The following NTM variants were observed in gnomAD, a reference collection of about 807,000 sequenced individuals.
NTM encodes neurotrimin.
NTM carries 13 observed loss-of-function variants against 42.1 expected under a neutral mutation model. That is an observed-to-expected ratio of 0.31 (90% CI 0.20 to 0.49). The LOEUF (loss-of-function observed/expected upper bound fraction) is 0.49, where lower values mean the gene tolerates loss of function less well. NTM is among the 20% of genes least tolerant of loss of function. The pLI is 0.99. For synonymous variants in NTM, 187 were observed against 179.2 expected (o/e 1.04, Z -0.35); for missense variants, 373 against 452.8 (o/e 0.82, Z 1.60).
chr11:131,705,241 G>T (rs1297000636), intron 1 of NTM, among the ~76,000 whole-genome samples: 1 of 152,178 alleles, frequency 6.6e-6, no homozygotes, highest in African/African-American at 2.4e-5. Flanking sequence ...AAAGTGACTT[G>T]TATTCAAGGG....
intron 2 of NTM, among the ~76,000 whole-genome samples, chr11:132,093,161 T>G (rs1004338715): frequency 1.3e-5 from 2 of 152,244 alleles, no homozygotes; most frequent in African/African-American, 4.8e-5. Context: ...ACATGTTTCA[T>G]TTCTACCCTC....
At chr11:131,403,780 A>T (rs1409027578) in intron 1 of NTM, among the ~76,000 whole-genome samples, 1 of 152,246 alleles carries the variant, frequency 6.6e-6, no homozygotes, top group Non-Finnish European at 1.5e-5. Context: ...AGAAGCAATC[A>T]GGAACTAACT....
chr11:132,217,177 A>G (rs201356154), intron 4 of NTM, among the ~76,000 whole-genome samples: 1 of 151,996 alleles, frequency 6.6e-6, no homozygotes, highest in Non-Finnish European at 1.5e-5. Context: ...ACTCCCAACC[A>G]CTATTTCCTA....
rs2062979630 is a variant in NTM, at chr11:131,967,453, C to A, written c.167+55805C>A. 2.0e-5 allele frequency among the ~76,000 whole-genome samples: 3 copies of A among 152,170 alleles called. No homozygotes were observed. In the East Asian group the frequency reaches 5.8e-4, roughly 29 times the overall value. On this transcript the variant is annotated intron_variant, in intron 2 of 8. Coordinates refer to ENST00000683400, the MANE Select transcript of NTM (RefSeq NM_001352005.2). ...TTGCCTGTTTTGTGCAGAGACCACGCTGAGGTCATGTGTAGGTTGGCCCTG... is the reference window on the plus strand; with the variant it reads ...TTGCCTGTTTTGTGCAGAGACCACGATGAGGTCATGTGTAGGTTGGCCCTG...
At chr11:132,267,418 C>T (rs2093250313) in intron 4 of NTM, among the ~76,000 whole-genome samples, 1 of 151,844 alleles carries the variant, frequency 6.6e-6, no homozygotes, top group Non-Finnish European at 1.5e-5. Context: ...TCACACTTTC[C>T]TTACCCATAG....
intron 1 of NTM, among the ~76,000 whole-genome samples, chr11:131,393,865 C>T (rs80092127): frequency 0.019 from 2,942 of 152,312 alleles, 89 homozygotes; most frequent in African/African-American, 0.067. Flanking sequence ...TTTGTTGTGT[C>T]ATTTCCTACC....
At chr11:131,408,157 C>G (rs1328079815) in intron 1 of NTM, among the ~76,000 whole-genome samples, 2 of 152,296 alleles carry the variant, frequency 1.3e-5, no homozygotes, top group Non-Finnish European at 1.5e-5. Context: ...CTCAGTTGTT[C>G]TGTCGATTGA....
At position 131,896,743 on chromosome 11, in the gene NTM, C is replaced by T. The variant is rs58670186; in HGVS notation, c.83-14821C>T. Among the ~76,000 whole-genome samples, 45 of 132,020 alleles carry T rather than the reference C, an allele frequency of 3.4e-4. 1 individual carries two copies. The East Asian group carries it at 9.5e-3, about 28-fold the overall frequency. The allele number at this position is 132,020 out of a possible 152,430, so 86.6% of individuals were successfully genotyped here. A position where few individuals can be genotyped will look rare whatever the true frequency, so the allele number is the denominator to read the frequency against. On this transcript the variant is annotated intron_variant, in intron 1 of 8. Coordinates refer to ENST00000683400, the MANE Select transcript of NTM (RefSeq NM_001352005.2). ...TGGCTCTGTCGCCCAGGCTGGAGTG[C>T]GGTGGTGTGATCTCAGCTCACTGCA...
intron 1 of NTM, among the ~76,000 whole-genome samples, chr11:131,862,255 G>A (rs1362708674): frequency 6.6e-6 from 1 of 152,140 alleles, no homozygotes; most frequent in Non-Finnish European, 1.5e-5. Flanking sequence ...GGGGCCAAGA[G>A]TACAGAGAAC....
intron 7 of NTM, among the ~76,000 whole-genome samples, chr11:132,315,541 A>G (rs199865522): frequency 4.6e-5 from 7 of 152,276 alleles, no homozygotes; most frequent in South Asian, 2.1e-4. Context: ...TGTCTCCCCA[A>G]TCCCTCATGT....
chr11:131,967,517 A>C (rs2062989138), intron 2 of NTM, among the ~76,000 whole-genome samples: 1 of 152,266 alleles, frequency 6.6e-6, no homozygotes, highest in East Asian at 1.9e-4. Context: ...GAGCCACATG[A>C]AGGTGGGATG....
intron 2 of NTM, among the ~76,000 whole-genome samples, chr11:132,010,833 T>C (rs2072009401): frequency 6.6e-6 from 1 of 152,036 alleles, no homozygotes; most frequent in South Asian, 2.1e-4. Flanking sequence ...CTCTTAAGAA[T>C]TCCCTGATGG....
At chr11:131,758,615 C>A (rs2083665575) in intron 1 of NTM, among the ~76,000 whole-genome samples, 2 of 150,946 alleles carry the variant, frequency 1.3e-5, no homozygotes, top group Non-Finnish European at 2.9e-5. Flanking sequence ...TCTTTTGAGA[C>A]AAACTTTCAC....
chr11:132,142,728 G>A (rs1288884599), intron 2 of NTM, among the ~76,000 whole-genome samples: 2 of 152,146 alleles, frequency 1.3e-5, no homozygotes, highest in Non-Finnish European at 2.9e-5. Context: ...AACCGCAGCT[G>A]GAACTGTGCC....
chr11:131,786,909 T>C (rs2089330273), intron 1 of NTM, among the ~76,000 whole-genome samples: 1 of 152,220 alleles, frequency 6.6e-6, no homozygotes, highest in Admixed American at 6.5e-5. Context: ...TAACTTTAAT[T>C]ATCATGTGTT....
intron 4 of NTM, among the ~76,000 whole-genome samples, chr11:132,287,122 C>G (rs2094273951): frequency 6.6e-6 from 1 of 152,206 alleles, no homozygotes; most frequent in Non-Finnish European, 1.5e-5. Context: ...TGATGCTCAT[C>G]CATCATCCTC....
chr11:131,782,434 A>G (rs1591801005), intron 1 of NTM, among the ~76,000 whole-genome samples: 2 of 152,200 alleles, frequency 1.3e-5, no homozygotes, highest in Admixed American at 1.3e-4. Flanking sequence ...TTAAGGAGGA[A>G]ATAATAACAA....
intron 1 of NTM, among the ~76,000 whole-genome samples, chr11:131,701,216 G>A (rs1025585164): frequency 3.9e-5 from 6 of 152,138 alleles, no homozygotes; most frequent in Admixed American, 2.0e-4. Context: ...CCACCTATAT[G>A]CATGACTTGG....
intron 1 of NTM, among the ~76,000 whole-genome samples, chr11:131,850,065 A>G (rs2136802885): frequency 6.6e-6 from 1 of 152,052 alleles, no homozygotes; most frequent in Middle Eastern, 3.4e-3. Context: ...GACCATCAAC[A>G]GTAACCTAAT....
Sources: allele counts gnomAD v4.1 joint callset (sites outside exome capture counted in the v4.1 genomes callset), GRCh38; gene constraint gnomAD v4.1.1; transcripts MANE v1.5; gene names NCBI Gene and HGNC (gene_info 2026-07-23, HGNC 2026-07-21).